The following CA5A variants were observed in gnomAD, a reference collection of about 807,000 sequenced individuals.
CA5A encodes the protein carbonic anhydrase 5A.
CA5A carries 28 observed loss-of-function variants against 37.1 expected under a neutral mutation model. The observed-to-expected ratio is 0.75, with a 90% confidence interval of 0.56 to 1.03. CA5A has a LOEUF of 1.03. Ranked by LOEUF, CA5A falls within the 50% of genes least tolerant of loss-of-function variation. The probability of loss-of-function intolerance (pLI) is 0.00; values close to 1 mark genes in which losing one functional copy is unlikely to be tolerated. For synonymous variants in CA5A, 171 were observed against 158.4 expected (o/e 1.08, Z -0.60); for missense variants, 444 against 399.9 (o/e 1.11, Z -0.94).
chr16:87,936,215 G>T, intron 1 of CA5A, 94 bp downstream of exon 1: 2 of 797,206 alleles, frequency 2.5e-6, no homozygotes, highest in Non-Finnish European at 4.1e-6. Flanking sequence ...GAACCCATCT[G>T]GCTCGGGACG....
chr16:87,896,523 A>C (rs2055805142), intron 5 of CA5A, among the ~76,000 whole-genome samples: 1 of 152,242 alleles, frequency 6.6e-6, no homozygotes, highest in Non-Finnish European at 1.5e-5. Flanking sequence ...TGAGCACACC[A>C]ATGAGGCTGA....
intron 2 of CA5A, among the ~76,000 whole-genome samples, chr16:87,907,892 C>T (rs1393791496): frequency 2.0e-5 from 3 of 152,238 alleles, no homozygotes; most frequent in Non-Finnish European, 2.9e-5. Context: ...CGCCACTGCA[C>T]TCCAGCCTGG....
chr16:87,924,372 C>T, intron 2 of CA5A: 1 of 955,926 alleles, frequency 1.0e-6, no homozygotes, highest in Non-Finnish European at 1.2e-6. Context: ...AAGGACCAAG[C>T]CGTGGTGTTT....
Position 87,891,913 on chromosome 16 carries a change from C to A in CA5A, c.660G>T (p.Leu220=). 8.3e-6 allele frequency: 13 copies of A among 1,566,324 alleles called. No individual in the cohort carries two copies. Among genetic ancestry groups the A allele is most frequent in the Non-Finnish European group, 1.0e-5 (12 of 1,157,370 alleles). The stretch of plus-strand genomic sequence containing the variant: ...TCCAGTAATCCCAGCAGGTGGGCAG[C>A]AGAGTGGAGGGGTCGAAGGGGCGCA... ...AAMRPFDPST[L]LPTCWDYWTY... The change falls in exon 6 of 7, where the codon CTG becomes CTT. Residue 220 remains leucine, a synonymous_variant. Coordinates refer to ENST00000649794, the MANE Select transcript of CA5A (RefSeq NM_001739.2).
At position 87,936,133 on chromosome 16, in the gene CA5A, C is replaced by T. The variant is rs560841006; in HGVS notation, c.142+176G>A. Among the ~76,000 whole-genome samples, 8 of 147,078 alleles carry T rather than the reference C, an allele frequency of 5.4e-5. No individual in the cohort carries two copies. In the South Asian group the frequency reaches 1.8e-3, roughly 32 times the overall value. On this transcript the variant is annotated intron_variant, in intron 1 of 6. Transcript: ENST00000649794. ...GTTGTGGTGAGCTGAGATCACGCCA[C>T]TGTACTCCAGCCTGGGCCACAGAGC...
At chr16:87,926,384 C>T (rs1334891725) in intron 2 of CA5A, among the ~76,000 whole-genome samples, 3 of 152,188 alleles carry the variant, frequency 2.0e-5, no homozygotes, top group Non-Finnish European at 4.4e-5. Flanking sequence ...GTCCAGCCAC[C>T]GCTGCCTTCT....
intron 5 of CA5A, among the ~76,000 whole-genome samples, chr16:87,900,124 C>T (rs1032279866): frequency 6.6e-6 from 1 of 151,990 alleles, no homozygotes; most frequent in Non-Finnish European, 1.5e-5. Context: ...AGAACCTTCC[C>T]CGGGAGGAAA....
At chr16:87,924,596 T>C (rs1271760717) in intron 2 of CA5A, among the ~76,000 whole-genome samples, 1 of 152,242 alleles carries the variant, frequency 6.6e-6, no homozygotes, top group African/African-American at 2.4e-5. Context: ...TGAGAATTTC[T>C]AGGCATATGC....
chr16:87,910,424 G>C (rs2056033880), intron 2 of CA5A, among the ~76,000 whole-genome samples: 1 of 152,136 alleles, frequency 6.6e-6, no homozygotes, highest in Admixed American at 6.5e-5. Flanking sequence ...GAGAGGTTCG[G>C]TCACCTGCCC....
intron 1 of CA5A, among the ~76,000 whole-genome samples, chr16:87,928,760 G>GT (rs60994571): frequency 0.011 from 645 of 57,944 alleles, 74 homozygotes; most frequent in African/African-American, 0.034. Flanking sequence ...TCTTTTCTTT[G>GT]TTTTTTTTTT....
At chr16:87,906,315 C>G (rs753139892) in intron 2 of CA5A, among the ~76,000 whole-genome samples, 1 of 152,062 alleles carries the variant, frequency 6.6e-6, no homozygotes, top group Admixed American at 6.6e-5. Context: ...ACTGCTGACT[C>G]CTGGTGGTTT....
intron 2 of CA5A, among the ~76,000 whole-genome samples, chr16:87,910,477 C>T (rs2056034829): frequency 6.6e-6 from 1 of 152,186 alleles, no homozygotes; most frequent in Admixed American, 6.5e-5. Flanking sequence ...GGTCCAGGCC[C>T]TCAGCTTTTG....
At chr16:87,915,526 A>T (rs8060147) in intron 2 of CA5A, among the ~76,000 whole-genome samples, 1,645 of 73,000 alleles carry the variant, frequency 0.023, 30 homozygotes, top group African/African-American at 0.033. Flanking sequence ...CTGTGTCAAA[A>T]TTTTTTTTTT....
At position 87,929,268 on chromosome 16, in the gene CA5A, A is replaced by G. The variant is rs560644190; in HGVS notation, c.143-2323T>C. On this transcript the variant is annotated intron_variant, in intron 1 of 6. Coordinates refer to ENST00000649794, the MANE Select transcript of CA5A (RefSeq NM_001739.2). ...GGAGTTTGAGACCAGCCTGGCCAAC[A>G]TGGTAAAACCCTGTCTCTACTAATA... 9.3e-5 allele frequency among the ~76,000 whole-genome samples: 14 copies of G among 150,830 alleles called. No individual in the cohort carries two copies. In the South Asian group the frequency reaches 2.7e-3, roughly 30 times the overall value.
chr16:87,904,220 T>C (rs2055923691), intron 3 of CA5A, among the ~76,000 whole-genome samples: 1 of 151,944 alleles, frequency 6.6e-6, no homozygotes, highest in Admixed American at 6.6e-5. Context: ...CACGCACCTG[T>C]AATCCCAGCT....
intron 5 of CA5A, among the ~76,000 whole-genome samples, chr16:87,899,786 G>T (rs1383170088): frequency 1.3e-5 from 2 of 151,028 alleles, no homozygotes; most frequent in Non-Finnish European, 3.0e-5. Context: ...CAGGCATGGT[G>T]GTGGGCGCCG....
At chr16:87,920,015 T>C (rs1484971320) in intron 2 of CA5A, among the ~76,000 whole-genome samples, 1 of 152,048 alleles carries the variant, frequency 6.6e-6, no homozygotes, top group East Asian at 1.9e-4. Flanking sequence ...GCATTCCCCA[T>C]CCATGGACTC....
chr16:87,893,050 C>G (rs550283849), intron 5 of CA5A: 2 of 1,198,116 alleles, frequency 1.7e-6, no homozygotes, highest in Non-Finnish European at 2.4e-6. Context: ...CTTCATGTCA[C>G]GAAGGCCATG....
chr16:87,908,265 AGCTTAGCCTCTCT>A (rs1305089681), intron 2 of CA5A, among the ~76,000 whole-genome samples: 1 of 152,220 alleles, frequency 6.6e-6, no homozygotes, highest in African/African-American at 2.4e-5. Flanking sequence ...CTGGGCAAGT[AGCTTAGCCTCTCT>A]GAGCCTAAGC....
Sources: gnomAD v4.1 joint callset for allele counts (sites outside exome capture counted in the v4.1 genomes callset) on GRCh38, gnomAD v4.1.1 for gene constraint, MANE v1.5 for transcripts, NCBI Gene and HGNC (gene_info 2026-07-23, HGNC 2026-07-21) for gene names.